The following LRIG2 variants were observed in gnomAD, a reference collection of about 807,000 sequenced individuals.
LRIG2 encodes the protein leucine rich repeats and immunoglobulin like domains 2, also known as leucine-rich repeats and immunoglobulin-like domains protein 2.
Under a neutral mutation model 107.8 loss-of-function variants are expected in LRIG2, and 93 were observed. That is an observed-to-expected ratio of 0.86 (90% confidence interval 0.73 to 1.03). LRIG2 has a LOEUF of 1.03. LRIG2 is among the 50% of genes least tolerant of loss of function. The pLI, the probability that LRIG2 is intolerant of heterozygous loss-of-function variation, is 0.00. For missense variants in LRIG2, 1,226 were observed against 1,296.0 expected (o/e 0.95, Z 0.83); for synonymous variants, 471 against 470.6 (o/e 1.00, Z -0.01).
rs1260890654 is a variant in LRIG2 at position 113,098,786 on chromosome 1, G to C, written c.1172+1G>C. ...CTGGACTCACAAGTCTCACTAAACT[G>C]TATGTATTATAATATTTATGTATGT... On this transcript the variant is annotated splice_donor_variant, in intron 9 of 17. Coordinates refer to ENST00000361127, the MANE Select transcript of LRIG2 (RefSeq NM_014813.3). LOFTEE classifies it high-confidence loss of function. 6.4e-7 allele frequency: 1 copy of C among 1,572,644 alleles called. No individual in the cohort carries two copies. Among genetic ancestry groups the C allele is most frequent in the Non-Finnish European group, 8.8e-7 (1 of 1,142,624 alleles).
intron 1 of LRIG2, among the ~76,000 whole-genome samples, chr1:113,076,079 C>T (rs1447554217): frequency 1.3e-5 from 2 of 151,654 alleles, no homozygotes; most frequent in Non-Finnish European, 2.9e-5. Context: ...GATCTCGGCT[C>T]AGTGCAGCCT....
chr1:113,084,816 A>G (rs1208627815), intron 1 of LRIG2, among the ~76,000 whole-genome samples: 2 of 152,242 alleles, frequency 1.3e-5, no homozygotes, highest in Admixed American at 6.5e-5. Flanking sequence ...ACATCATATT[A>G]AGTAAAGGCT....
chr1:113,120,028 A>G (rs1487537025), intron 17 of LRIG2, among the ~76,000 whole-genome samples: 2 of 151,286 alleles, frequency 1.3e-5, no homozygotes, highest in African/African-American at 2.4e-5. Flanking sequence ...CAGGCTGGTC[A>G]TGAACTCCTG....
rs1654734351 is a variant in LRIG2, at chr1:113,110,582, GA to G, written c.1798+21del. 1 of 1,537,622 alleles carries G rather than the reference GA, an allele frequency of 6.5e-7. No homozygotes were observed. The highest frequency in any genetic ancestry group is 8.8e-7 in the Non-Finnish European group (1 of 1,131,206). Reference sequence around the variant, plus strand: ...TAAATGGTAAGGAATTATGCTCCTTGATTTTTTTTAGTTTAGAAGGATTTTT... The same window carrying G: ...TAAATGGTAAGGAATTATGCTCCTTGTTTTTTTTAGTTTAGAAGGATTTTT... On this transcript the variant is annotated intron_variant, in intron 13 of 17. Transcript: ENST00000361127.
At chr1:113,101,975 A>G (rs1449267896) in intron 11 of LRIG2, among the ~76,000 whole-genome samples, 1 of 151,754 alleles carries the variant, frequency 6.6e-6, no homozygotes, top group Non-Finnish European at 1.5e-5. Flanking sequence ...CTCATCAGGT[A>G]ACAACTGAAG....
intron 12 of LRIG2, 103 bp downstream of exon 12, chr1:113,107,860 C>A: frequency 1.9e-6 from 2 of 1,035,906 alleles, no homozygotes; most frequent in Non-Finnish European, 2.8e-6. Flanking sequence ...TTTTTGTAAT[C>A]ATACAGTTTT....
chr1:113,112,637 G>A lies in LRIG2; in HGVS notation c.1957G>A (p.Val653Ile), dbSNP rs199501782. ...TGCGGCTCGAGAAAGACGCATGCAC[G>A]TCATGCCCGAGGATGACGTCTTCTT... ...FPAARERRMHVMPEDDVFFIA... is the reference protein window; with the variant it reads ...FPAARERRMHIMPEDDVFFIA... The change falls in exon 14 of 18, where the codon GTC (valine) becomes ATC (isoleucine). Residue 653 changes from valine (V) to isoleucine (I), a missense_variant. Physicochemically the swap from Val to Ile is conservative, Grantham distance 29. Transcript: ENST00000361127. 1.1e-5 allele frequency: 18 copies of A among 1,614,168 alleles called. No homozygotes were observed. The East Asian group carries it at 1.3e-4, about 12-fold the overall frequency.
chr1:113,091,607 T>G (rs1053203899), intron 2 of LRIG2, among the ~76,000 whole-genome samples: 1 of 152,220 alleles, frequency 6.6e-6, no homozygotes, highest in African/African-American at 2.4e-5. Context: ...GGGGGAAATA[T>G]TCTACCTTCC....
rs1187495239 is a variant in LRIG2 at position 113,073,536 on chromosome 1, C to T, written c.130C>T (p.Pro44Ser). The T allele has an allele frequency of 6.2e-7, 1 of 1,614,056 alleles. No individual in the cohort carries two copies. Among genetic ancestry groups the T allele is most frequent in the African/African-American group, 1.3e-5 (1 of 75,064 alleles). Residue 44 changes from proline to serine, a missense_variant, in exon 1 of 18, where the codon CCC becomes TCC. Pro to Ser is a moderately conservative substitution (Grantham distance 74). Coordinates refer to ENST00000361127, the MANE Select transcript of LRIG2 (RefSeq NM_014813.3). ...LLPAAGAGLC[P>S]APCSCRIPLL... The stretch of plus-strand genomic sequence containing the variant: ...GCCCGCCGCCGGAGCAGGTCTCTGC[C>T]CCGCGCCCTGCTCCTGCCGCATTCC...
chr1:113,076,730 G>A (rs970271181), intron 1 of LRIG2, among the ~76,000 whole-genome samples: 7 of 152,150 alleles, frequency 4.6e-5, no homozygotes, highest in Non-Finnish European at 4.4e-5. Flanking sequence ...TCAAACTTGT[G>A]ACCATCAAAA....
At chr1:113,078,292 G>A (rs573436396) in intron 1 of LRIG2, among the ~76,000 whole-genome samples, 1 of 151,310 alleles carries the variant, frequency 6.6e-6, no homozygotes, top group Non-Finnish European at 1.5e-5. Context: ...AGGCTGGAGT[G>A]TAGTGGTGGG....
At chr1:113,094,904 T>C (rs1042641721) in intron 6 of LRIG2, 149 bp downstream of exon 6, 3 of 661,184 alleles carry the variant, frequency 4.5e-6, no homozygotes, top group African/African-American at 3.7e-5. Flanking sequence ...ATAAAACCTT[T>C]AAAGTTTTGT....
chr1:113,117,664 A>G (rs1655075740), intron 16 of LRIG2, among the ~76,000 whole-genome samples: 1 of 151,636 alleles, frequency 6.6e-6, no homozygotes, highest in Non-Finnish European at 1.5e-5. Flanking sequence ...TTGTATTTTT[A>G]GTAGAGACGG....
intron 11 of LRIG2, among the ~76,000 whole-genome samples, chr1:113,102,785 G>C (rs1028492278): frequency 6.6e-6 from 1 of 152,070 alleles, no homozygotes; most frequent in Non-Finnish European, 1.5e-5. Context: ...AAACTGGAGG[G>C]TTTTGAGAAA....
intron 8 of LRIG2, among the ~76,000 whole-genome samples, chr1:113,097,465 A>AT (rs1398307131): frequency 6.6e-6 from 1 of 152,108 alleles, no homozygotes; most frequent in Non-Finnish European, 1.5e-5. Context: ...TGTGTATTTG[A>AT]TTTTTTAAAA....
rs747778140 is a variant in LRIG2 at position 113,116,386 on chromosome 1, A to C, written c.2630A>C (p.His877Pro). 6.2e-7 allele frequency: 1 copy of C among 1,614,002 alleles called. No homozygotes were observed. Among genetic ancestry groups the C allele is most frequent in the South Asian group, 1.1e-5 (1 of 91,012 alleles). The change falls in exon 16 of 18, where the codon CAT becomes CCT. Residue 877 changes from histidine to proline, a missense_variant. By Grantham distance (77) the His-to-Pro change is moderately conservative. This residue lies in a region of LRIG2 where 642 missense variants were observed against 712.2 expected (regional missense o/e 0.90). Transcript: ENST00000361127. ...TACAGCAACTCTGAGGCAGGCAGTC[A>C]TCAGCAACTTATGCCTCCTGCCAAT... ...EGYSNSEAGS[H>P]QQLMPPANGY...
chr1:113,089,820 G>A (rs543100002), intron 1 of LRIG2, among the ~76,000 whole-genome samples: 3 of 151,316 alleles, frequency 2.0e-5, no homozygotes, highest in South Asian at 2.1e-4. Flanking sequence ...AGCCTCCCGA[G>A]TAGCTGGGAT....
chr1:113,124,704 T>C lies in LRIG2; in HGVS notation c.*603T>C, dbSNP rs1009450813. On this transcript the variant is annotated 3_prime_UTR_variant, in exon 18 of 18. Transcript: ENST00000361127. ...TTGCCCAGGGATGTCATTGTAAATA[T>C]ATGTGCATTTATAAATAATTTTTGT... 2.0e-5 allele frequency: 3 copies of C among 152,692 alleles called. No individual in the cohort carries two copies. Among genetic ancestry groups the C allele is most frequent in the Non-Finnish European group, 2.9e-5 (2 of 68,332 alleles). The allele number at this position is 152,692 out of a possible 1,614,324, so 9.5% of individuals were successfully genotyped here.
At chr1:113,094,863 T>A in intron 6 of LRIG2, 108 bp downstream of exon 6, 8 of 1,040,054 alleles carry the variant, frequency 7.7e-6, no homozygotes, top group Non-Finnish European at 1.1e-5. Flanking sequence ...CATTCATTCA[T>A]TCCCTGGTCA....
Sources: allele counts gnomAD v4.1 joint callset (sites outside exome capture counted in the v4.1 genomes callset), GRCh38; gene constraint gnomAD v4.1.1; regional missense constraint gnomAD v4.1.1; transcripts MANE v1.5; gene names NCBI Gene and HGNC (gene_info 2026-07-23, HGNC 2026-07-21).